The following CFAP46 variants were observed in gnomAD, a reference collection of about 807,000 sequenced individuals.
CFAP46 encodes cilia- and flagella-associated protein 46.
CFAP46 carries 245 observed loss-of-function variants against 325.7 expected under a neutral mutation model. The observed-to-expected ratio is 0.75, with a 90% CI of 0.68 to 0.84. The LOEUF (loss-of-function observed/expected upper bound fraction) is 0.84, where lower values mean the gene tolerates loss of function less well. Ranked by LOEUF, CFAP46 falls within the 40% of genes least tolerant of loss-of-function variation. CFAP46 has a pLI of 0.00. For synonymous variants in CFAP46, 1,523 were observed against 1,495.9 expected, an observed-to-expected ratio of 1.02 and a Z score of -0.42; for missense variants, 3,346 against 3,543.0, an observed-to-expected ratio of 0.94 and a Z score of 1.41.
rs146283544 is a variant in CFAP46, at chr10:132,886,351, C to T, written c.3305-392G>A. On this transcript the variant is annotated intron_variant, in intron 25 of 57. Coordinates refer to ENST00000368586, the MANE Select transcript of CFAP46 (RefSeq NM_001200049.3). This position sits in a 1 kb window ranked among gnomAD's most constrained non-coding sequence, Gnocchi z 5.8. ...CCCCGCGGCCGAGGACACAGCGCCA[C>T]GTGCACGCTCGGGAGTCCTCATGCT... 4.5e-3 allele frequency among the ~76,000 whole-genome samples: 690 copies of T among 152,318 alleles called. 3 individuals are homozygous for T. Among genetic ancestry groups the T allele is most frequent in the African/African-American group, 0.016 (662 of 41,570 alleles).
intron 11 of CFAP46, among the ~76,000 whole-genome samples, chr10:132,923,640 C>T (rs556347545): frequency 1.3e-5 from 2 of 152,300 alleles, no homozygotes; most frequent in African/African-American, 4.8e-5. Context: ...CAGGAGCCTG[C>T]GTTTGATGGC....
rs1193302492 is a variant in CFAP46, at chr10:132,930,537, C to G, written c.867-733G>C. Among the ~76,000 whole-genome samples, 7 of 144,602 alleles carry G rather than the reference C, an allele frequency of 4.8e-5. No homozygotes were observed. In the East Asian group the frequency reaches 1.5e-3, roughly 30 times the overall value. The allele number at this position is 144,602 out of a possible 152,430, so 94.9% of individuals were successfully genotyped here. Reference sequence around the variant, plus strand: ...CCTCCCCACACAGAGCCTGGGCCTTCCCCACACTCCGCACACAGAGCCTGG... The same window carrying G: ...CCTCCCCACACAGAGCCTGGGCCTTGCCCACACTCCGCACACAGAGCCTGG... On this transcript the variant is annotated intron_variant, in intron 8 of 57. Coordinates refer to ENST00000368586, the MANE Select transcript of CFAP46 (RefSeq NM_001200049.3).
At position 132,877,395 on chromosome 10, in the gene CFAP46, C is replaced by T. The variant is rs998640480; in HGVS notation, c.4213-434G>A. On this transcript the variant is annotated intron_variant, in intron 30 of 57. Coordinates refer to ENST00000368586, the MANE Select transcript of CFAP46 (RefSeq NM_001200049.3). The surrounding 1 kb of genome is among the most constrained non-coding windows in gnomAD (Gnocchi z 5.7). ...GCAGCCAAGTGGTTTCTCAGACCTG[C>T]CCAGCACTTTGAGAAGTGGATACTT... is the stretch of plus-strand genomic sequence containing the variant. 1.3e-5 allele frequency among the ~76,000 whole-genome samples: 2 copies of T among 152,178 alleles called. No homozygotes were observed. The highest frequency in any genetic ancestry group is 4.8e-5 in the African/African-American group (2 of 41,432).
chr10:132,823,952 A>G (rs1448515712), intron 50 of CFAP46, among the ~76,000 whole-genome samples: 2 of 104,042 alleles, frequency 1.9e-5, no homozygotes, highest in South Asian at 3.4e-4. Context: ...GTGTGCAGTG[A>G]TGTGTGCTGT....
intron 21 of CFAP46, among the ~76,000 whole-genome samples, chr10:132,908,883 G>A (rs1387299449): frequency 6.6e-6 from 1 of 152,246 alleles, no homozygotes; most frequent in African/African-American, 2.4e-5. Context: ...CTGCCCCTGA[G>A]CGGCTCAGGG....
intron 50 of CFAP46, among the ~76,000 whole-genome samples, chr10:132,823,488 T>TGTGA (rs1347598405): frequency 1.6e-5 from 2 of 128,390 alleles, no homozygotes; most frequent in African/African-American, 6.1e-5. Context: ...ATGTGTGCTG[T>TGTGA]GTGCTGATGT....
intron 50 of CFAP46, among the ~76,000 whole-genome samples, chr10:132,822,206 G>GC (rs1591034128): frequency 6.9e-6 from 1 of 144,876 alleles, no homozygotes; most frequent in South Asian, 2.4e-4. Flanking sequence ...TGTGCTGTGT[G>GC]TGTGCTGATG....
chr10:132,920,633 A>C (rs1849708874), intron 13 of CFAP46, among the ~76,000 whole-genome samples: 1 of 152,194 alleles, frequency 6.6e-6, no homozygotes, highest in African/African-American at 2.4e-5. Flanking sequence ...GAGCACCCGG[A>C]ACTCAGCTCC....
intron 19 of CFAP46, among the ~76,000 whole-genome samples, chr10:132,912,124 ACC>A (rs150211323): frequency 1.5e-5 from 1 of 66,452 alleles, no homozygotes; most frequent in Non-Finnish European, 3.0e-5. Context: ...CTCCACCCCC[ACC>A]CCCCCACCCC....
In CFAP46 at chr10:132,913,206, C is replaced by A. The variant is rs1322445722; in HGVS notation, c.2173G>T (p.Ala725Ser). The change falls in exon 18 of 58, where the codon GCA becomes TCA. Residue 725 changes from alanine to serine, a missense_variant. Transcript: ENST00000368586. Reference protein sequence around the residue: ...RCAMNNWLRSAEIGQEIQEAW... With the variant: ...RCAMNNWLRSSEIGQEIQEAW... ...TCCTGGATCTCCTGTCCGATCTCTG[C>A]GGAGCGCAGCCAGTTATTCATGGCA... is the stretch of plus-strand genomic sequence containing the variant. 1 of 1,550,466 alleles carries A rather than the reference C, an allele frequency of 6.4e-7. No individual in the cohort carries two copies. Among genetic ancestry groups the A allele is most frequent in the Non-Finnish European group, 8.7e-7 (1 of 1,146,990 alleles).
In CFAP46 at chr10:132,909,222, G is replaced by C. The variant is rs1026005875; in HGVS notation, c.2672C>G (p.Ser891Trp). The change falls in exon 21 of 58, where the codon TCG becomes TGG. Residue 891 changes from serine to tryptophan, a missense_variant. By Grantham distance (177) the Ser-to-Trp change is radical. Coordinates refer to ENST00000368586, the MANE Select transcript of CFAP46 (RefSeq NM_001200049.3). ...EEQGTNEDVSSVTRVLVALEM... is the reference protein window; with the variant it reads ...EEQGTNEDVSWVTRVLVALEM... ...CAAGGCAACGAGGACTCTGGTCACC[G>C]AGCTGACATCCTCATTGGTGCCCTG... is the stretch of plus-strand genomic sequence containing the variant. The C allele has an allele frequency of 6.5e-7, 1 of 1,550,360 alleles. No homozygotes were observed. The highest frequency in any genetic ancestry group is 2.4e-5 in the East Asian group (1 of 40,910).
chr10:132,912,605 CT>C (rs1397060021), intron 19 of CFAP46, 49 bp downstream of exon 19: 5 of 140,616 alleles, frequency 3.6e-5, no homozygotes, highest in South Asian at 7.0e-5. Context: ...CTCCTCTCTC[CT>C]CTCTCTCTCT....
chr10:132,885,778 GGCGGTGGAGGGAGCACT>G (rs1849118455), intron 26 of CFAP46, 26 bp downstream of exon 26: 1 of 1,400,288 alleles, frequency 7.1e-7, no homozygotes, highest in African/African-American at 2.9e-5. Flanking sequence ...GGAGCACTCA[GGCGGTGGAGGGAGCACT>G]CACAGGCGGT....
chr10:132,823,243 TGAGC>T (rs1179757722), intron 50 of CFAP46, among the ~76,000 whole-genome samples: 2 of 132,786 alleles, frequency 1.5e-5, no homozygotes. Context: ...GTGTGCTGTG[TGAGC>T]GCTGATGTGT....
intron 15 of CFAP46, among the ~76,000 whole-genome samples, chr10:132,918,983 G>A (rs964402705): frequency 5.3e-5 from 8 of 152,190 alleles, no homozygotes; most frequent in Non-Finnish European, 1.2e-4. Context: ...GCTCCACGCT[G>A]GGCCTGTGGC....
rs546585043 is a variant in CFAP46 at position 132,936,931 on chromosome 10, G to A, written c.755+30C>T. The A allele has an allele frequency of 2.9e-6, 4 of 1,365,662 alleles. No homozygotes were observed. In the Admixed American group the frequency reaches 7.7e-5, roughly 26 times the overall value. The allele number at this position is 1,365,662 out of a possible 1,614,324, so 84.6% of individuals were successfully genotyped here. A position where few individuals can be genotyped will look rare whatever the true frequency, so the allele number is the denominator to read the frequency against. On this transcript the variant is annotated intron_variant, in intron 7 of 57. Transcript: ENST00000368586. ...CCAAGCCCAGCACTTGTGAAACTCA[G>A]TATTTGCTCTCCCTCCCAAAACGAC... is the stretch of plus-strand genomic sequence containing the variant.
At chr10:132,901,913 AT>A (rs756273350) in intron 22 of CFAP46, among the ~76,000 whole-genome samples, 19 of 152,102 alleles carry the variant, frequency 1.2e-4, no homozygotes, top group Non-Finnish European at 2.5e-4. Flanking sequence ...CATCCTTTGT[AT>A]TCTGGTTTGC....
At position 132,816,579 on chromosome 10, in the gene CFAP46, C is replaced by G. The variant is rs552329989; in HGVS notation, c.7118-1665G>C. Among the ~76,000 whole-genome samples the G allele has an allele frequency of 5.9e-5, 9 of 152,244 alleles. No individual in the cohort carries two copies. The East Asian group carries it at 1.7e-3, about 29-fold the overall frequency. On this transcript the variant is annotated intron_variant, in intron 50 of 57. Transcript: ENST00000368586. ...ATCTCCTGACCTTGGGTGATCCGCC[C>G]ACCTTGGCCTCCCAAAGTTCTGGGA...
At chr10:132,822,220 G>GCT (rs1847867354) in intron 50 of CFAP46, among the ~76,000 whole-genome samples, 1 of 139,384 alleles carries the variant, frequency 7.2e-6, no homozygotes, top group African/African-American at 2.8e-5. Context: ...GCTGATGTGT[G>GCT]CTGTGTGCGG....
Sources: allele counts gnomAD v4.1 joint callset (sites outside exome capture counted in the v4.1 genomes callset), GRCh38; gene constraint gnomAD v4.1.1; non-coding constraint Gnocchi (gnomAD v3.1); transcripts MANE v1.5; gene names NCBI Gene and HGNC (gene_info 2026-07-23, HGNC 2026-07-21).